Variants in MDGA2 observed in about 807,000 individuals in gnomAD.
MDGA2 encodes the protein MAM domain-containing glycosylphosphatidylinositol anchor protein 2.
In MDGA2, 40 loss-of-function variants were observed where a neutral mutation model predicts 117.8. The observed-to-expected ratio is 0.34, with a 90% CI of 0.26 to 0.44. The LOEUF (loss-of-function observed/expected upper bound fraction) is 0.44, where lower values mean the gene tolerates loss of function less well. MDGA2 is among the 20% of genes least tolerant of loss of function. The probability of loss-of-function intolerance (pLI) is 1.00; values close to 1 mark genes in which losing one functional copy is unlikely to be tolerated. For missense variants in MDGA2, 1,123 were observed against 1,250.6 expected (o/e 0.90, Z 1.54); for synonymous variants, 452 against 439.0 (o/e 1.03, Z -0.37).
intron 6 of MDGA2, among the ~76,000 whole-genome samples, chr14:47,093,948 C>G (rs1879815682): frequency 6.6e-6 from 1 of 152,082 alleles, no homozygotes; most frequent in Non-Finnish European, 1.5e-5. Flanking sequence ...ATTTCTATAT[C>G]TACTGTATCC....
intron 10 of MDGA2, among the ~76,000 whole-genome samples, chr14:46,916,320 C>T (rs1883895863): frequency 6.6e-6 from 1 of 152,058 alleles, no homozygotes; most frequent in Non-Finnish European, 1.5e-5. Context: ...GTACAGAGAC[C>T]TGAGTTCGAG....
intron 4 of MDGA2, among the ~76,000 whole-genome samples, chr14:47,135,209 G>A (rs1005911411): frequency 6.6e-6 from 1 of 151,800 alleles, no homozygotes; most frequent in Non-Finnish European, 1.5e-5. Context: ...TCGTATATAG[G>A]CAATTAATTA....
intron 10 of MDGA2, among the ~76,000 whole-genome samples, chr14:46,886,856 A>G (rs1882696385): frequency 6.6e-6 from 1 of 151,942 alleles, no homozygotes; most frequent in African/African-American, 2.4e-5. Context: ...GTTCTCCAGA[A>G]TTTTGTATAT....
intron 5 of MDGA2, among the ~76,000 whole-genome samples, chr14:47,101,104 G>A (rs1222110810): frequency 7.7e-6 from 1 of 130,516 alleles, no homozygotes; most frequent in Non-Finnish European, 1.7e-5. Flanking sequence ...TAGATAGATA[G>A]ATAGATAGAT....
chr14:47,493,851 A>C (rs1362664147), intron 1 of MDGA2, among the ~76,000 whole-genome samples: 1 of 152,174 alleles, frequency 6.6e-6, no homozygotes, highest in African/African-American at 2.4e-5. Context: ...TCTAGCAGTC[A>C]TTCAAGAGAT....
At chr14:46,847,253 A>T (rs1880877832) in intron 15 of MDGA2, among the ~76,000 whole-genome samples, 1 of 152,038 alleles carries the variant, frequency 6.6e-6, no homozygotes, top group Non-Finnish European at 1.5e-5. Context: ...GCAGAGAAAA[A>T]TTTGAGTTCT....
rs60442845 is a variant in MDGA2 at position 47,018,733 on chromosome 14, GAAAAAAAAAAAAAAAA to G, written c.1819+16262_1819+16277del. On this transcript the variant is annotated intron_variant, in intron 8 of 16. Transcript: ENST00000399232. Reference sequence around the variant, plus strand: ...ACTGTAAGGCTCAAGCCATTTTACTGAAAAAAAAAAAAAAAAAAAAAAAAAAAAAGTCTCCATTGAG... The same window carrying G: ...ACTGTAAGGCTCAAGCCATTTTACTGAAAAAAAAAAAAAGTCTCCATTGAG... 4.3e-3 allele frequency among the ~76,000 whole-genome samples: 168 copies of G among 38,656 alleles called. 3 individuals are homozygous for G. Among genetic ancestry groups the G allele is most frequent in the Non-Finnish European group, 7.0e-3 (140 of 20,128 alleles). 25.4% of individuals were successfully genotyped at this position (38,656 alleles called of 152,430 possible).
chr14:47,510,310 A>T (rs1894612362), intron 1 of MDGA2, among the ~76,000 whole-genome samples: 1 of 152,196 alleles, frequency 6.6e-6, no homozygotes, highest in Non-Finnish European at 1.5e-5. Context: ...GTGAGAAATA[A>T]ATTCCTGTTG....
chr14:47,636,692 G>A lies in MDGA2; in HGVS notation c.280+37825C>T, dbSNP rs537039260. 2.7e-3 allele frequency among the ~76,000 whole-genome samples: 412 copies of A among 149,992 alleles called. 4 individuals carry two copies. Among genetic ancestry groups the A allele is most frequent in the African/African-American group, 9.7e-3 (393 of 40,474 alleles). ...CCCAGCTACTCAGGAGGCTGAGGCA[G>A]GAGAATGGCGTGAACCCAGGAGACG... On this transcript the variant is annotated intron_variant, in intron 1 of 16. Transcript: ENST00000399232.
intron 2 of MDGA2, among the ~76,000 whole-genome samples, chr14:47,261,737 C>A (rs1887803157): frequency 6.6e-6 from 1 of 152,086 alleles, no homozygotes; most frequent in African/African-American, 2.4e-5. Flanking sequence ...GCTCACCATG[C>A]CCAGATGAAA....
chr14:47,465,228 C>G (rs1231606861), intron 1 of MDGA2, among the ~76,000 whole-genome samples: 1 of 151,942 alleles, frequency 6.6e-6, no homozygotes, highest in African/African-American at 2.4e-5. Flanking sequence ...TCACAAAAAC[C>G]CTGGCAGATA....
At chr14:47,411,702 C>T (rs373114315) in intron 1 of MDGA2, among the ~76,000 whole-genome samples, 23 of 152,240 alleles carry the variant, frequency 1.5e-4, no homozygotes, top group Middle Eastern at 3.4e-3. Context: ...TTAGCATTAA[C>T]CTATGTGTAA....
At chr14:47,196,751 A>C (rs1282295201) in intron 3 of MDGA2, among the ~76,000 whole-genome samples, 1 of 152,212 alleles carries the variant, frequency 6.6e-6, no homozygotes, top group East Asian at 1.9e-4. Context: ...TGGTATACGA[A>C]TAAGCCTATC....
chr14:47,198,664 G>A (rs1885379745), intron 3 of MDGA2, among the ~76,000 whole-genome samples: 1 of 152,136 alleles, frequency 6.6e-6, no homozygotes, highest in Admixed American at 6.5e-5. Context: ...TGAATATTCT[G>A]TTAAAGCTTT....
At chr14:47,352,791 G>A (rs900474158) in intron 1 of MDGA2, among the ~76,000 whole-genome samples, 1 of 152,132 alleles carries the variant, frequency 6.6e-6, no homozygotes, top group Non-Finnish European at 1.5e-5. Context: ...GAGAGCATTT[G>A]AGGAGGGGAC....
chr14:46,900,293 G>C (rs554941389), intron 10 of MDGA2, among the ~76,000 whole-genome samples: 1 of 152,214 alleles, frequency 6.6e-6, no homozygotes, highest in East Asian at 1.9e-4. Flanking sequence ...TCATAAAATA[G>C]TTTGGCAGTT....
chr14:47,541,026 G>A (rs997834166), intron 1 of MDGA2, among the ~76,000 whole-genome samples: 1 of 152,038 alleles, frequency 6.6e-6, no homozygotes, highest in African/African-American at 2.4e-5. Context: ...TACAATCTAA[G>A]ATTAGATTAT....
intron 9 of MDGA2, among the ~76,000 whole-genome samples, chr14:46,954,409 T>C (rs1470022171): frequency 6.6e-6 from 1 of 151,994 alleles, no homozygotes; most frequent in East Asian, 1.9e-4. Context: ...ACTGGGTGGC[T>C]TAAACAAACA....
At chr14:47,567,482 A>C (rs1395976117) in intron 1 of MDGA2, among the ~76,000 whole-genome samples, 2 of 152,206 alleles carry the variant, frequency 1.3e-5, no homozygotes, top group East Asian at 3.9e-4. Flanking sequence ...GTTTGTCTAG[A>C]AACTAAATTT....
Sources: gnomAD v4.1 joint callset for allele counts (sites outside exome capture counted in the v4.1 genomes callset) on GRCh38, gnomAD v4.1.1 for gene constraint, MANE v1.5 for transcripts, NCBI Gene and HGNC (gene_info 2026-07-23, HGNC 2026-07-21) for gene names.